CLEC2B: variants seen among roughly 807,000 people sequenced by gnomAD.
The protein encoded by CLEC2B is C-type (calcium dependent, carbohydrate-recognition domain) lectin, superfamily member 2 (activation-induced).
In CLEC2B, 14 loss-of-function variants were observed where a neutral mutation model predicts 16.2. The observed-to-expected ratio is 0.86, with a 90% CI of 0.57 to 1.35. CLEC2B has a LOEUF of 1.35. Among genes scored for constraint, CLEC2B ranks in the 40% most tolerant of loss-of-function variants. The pLI is 0.00. For missense variants in CLEC2B, 166 were observed against 182.3 expected (o/e 0.91, Z 0.52); for synonymous variants, 42 against 55.8 (o/e 0.75, Z 1.10).
chr12:9,857,724 G>A (rs1867905431), intron 2 of CLEC2B, 87 bp from the exon 3 acceptor site: 1 of 1,044,768 alleles, frequency 9.6e-7, no homozygotes. Context: ...GGTTTTTGAT[G>A]TAAAAGATTA....
chr12:9,857,666 G>A (rs763139604), intron 2 of CLEC2B, 29 bp from the exon 3 acceptor site: 3 of 1,524,772 alleles, frequency 2.0e-6, no homozygotes, highest in Admixed American at 3.4e-5. Context: ...TATATCTTAA[G>A]TACCATATAG....
chr12:9,854,367 A>G lies in CLEC2B; in HGVS notation c.341+14T>C, dbSNP rs1867876983. ...TATCTAAATTTAAGTGATCCCAGAA[A>G]AAAATAAACTCACGATTTGGTAAAT... On this transcript the variant is annotated intron_variant, in intron 4 of 4. Coordinates refer to ENST00000228438, the MANE Select transcript of CLEC2B (RefSeq NM_005127.3). 20 of 1,583,052 alleles carry G rather than the reference A, an allele frequency of 1.3e-5. No homozygotes were observed. Among genetic ancestry groups the G allele is most frequent in the Non-Finnish European group, 1.7e-5 (20 of 1,154,348 alleles).
rs1867997106 is a variant in CLEC2B at position 9,869,352 on chromosome 12, A to C, written c.-150T>G. On this transcript the variant is annotated 5_prime_UTR_variant, in exon 1 of 5. Transcript: ENST00000228438. Reference sequence around the variant, plus strand: ...CAGCACAGCTCCAAACTAGAGGTATACCACTTTTGAAGAGTAACTCAAAGT... The same window carrying C: ...CAGCACAGCTCCAAACTAGAGGTATCCCACTTTTGAAGAGTAACTCAAAGT... The C allele has an allele frequency of 6.6e-6, 1 of 152,204 alleles. No homozygotes were observed. Among genetic ancestry groups the C allele is most frequent in the South Asian group, 2.1e-4 (1 of 4,832 alleles). The allele number at this position is 152,204 out of a possible 1,614,324, so 9.4% of individuals were successfully genotyped here.
intron 2 of CLEC2B, among the ~76,000 whole-genome samples, chr12:9,858,015 A>T (rs1053731315): frequency 2.0e-5 from 3 of 151,968 alleles, no homozygotes; most frequent in Non-Finnish European, 2.9e-5. Context: ...TAAACACATG[A>T]TTTAATCTAC....
intron 2 of CLEC2B, among the ~76,000 whole-genome samples, chr12:9,858,453 A>C (rs1194396872): frequency 1.3e-5 from 2 of 151,960 alleles, no homozygotes; most frequent in South Asian, 4.1e-4. Context: ...ACACACCCAG[A>C]CTGAATCAGT....
intron 2 of CLEC2B, among the ~76,000 whole-genome samples, chr12:9,861,143 C>T (rs1305532251): frequency 6.6e-6 from 1 of 151,956 alleles, no homozygotes. Flanking sequence ...GGGTAAACTT[C>T]AGCTTCATAG....
At chr12:9,858,975 G>A (rs1867914383) in intron 2 of CLEC2B, among the ~76,000 whole-genome samples, 1 of 151,986 alleles carries the variant, frequency 6.6e-6, no homozygotes, top group South Asian at 2.1e-4. Context: ...GACCTAACAT[G>A]ACAAGACATA....
chr12:9,854,529 A>G (rs778200769), intron 3 of CLEC2B, 45 bp from the exon 4 acceptor site: 1 of 1,247,090 alleles, frequency 8.0e-7, no homozygotes, highest in Non-Finnish European at 1.2e-6. Context: ...GCCAATTTTT[A>G]TGACAACCTA....
At chr12:9,858,033 CA>C (rs1867907488) in intron 2 of CLEC2B, among the ~76,000 whole-genome samples, 1 of 151,880 alleles carries the variant, frequency 6.6e-6, no homozygotes, top group Non-Finnish European at 1.5e-5. Context: ...TACAAAGAAG[CA>C]ACAAAAATAA....
At chr12:9,865,753 G>T (rs1206644271) in intron 1 of CLEC2B, among the ~76,000 whole-genome samples, 1 of 151,940 alleles carries the variant, frequency 6.6e-6, no homozygotes. Context: ...CCACATTGTA[G>T]GCCAAAAAAC....
intron 3 of CLEC2B, among the ~76,000 whole-genome samples, chr12:9,855,694 T>C (rs753230003): frequency 2.0e-5 from 3 of 151,942 alleles, no homozygotes; most frequent in Non-Finnish European, 4.4e-5. Context: ...AACTGGGAGA[T>C]GTGTTTCCTA....
At position 9,852,664 on chromosome 12, in the gene CLEC2B, G is replaced by A. The variant is rs1252928388; in HGVS notation, c.*636C>T. On this transcript the variant is annotated 3_prime_UTR_variant, in exon 5 of 5. Coordinates refer to ENST00000228438, the MANE Select transcript of CLEC2B (RefSeq NM_005127.3). ...CCCATTTGTTTGATCAACTTGTACA[G>A]ATCAAAGAAAGTTTAATTTTCTTTT... 1.3e-5 allele frequency among the ~76,000 whole-genome samples: 2 copies of A among 152,142 alleles called. No individual in the cohort carries two copies. The highest frequency in any genetic ancestry group is 2.9e-5 in the Non-Finnish European group (2 of 68,022).
intron 3 of CLEC2B, among the ~76,000 whole-genome samples, chr12:9,856,139 C>T (rs962738205): frequency 6.6e-6 from 1 of 152,122 alleles, no homozygotes; most frequent in African/African-American, 2.4e-5. Context: ...TCTTCACATT[C>T]CATGATCCTC....
chr12:9,856,511 C>G (rs1867895102), intron 3 of CLEC2B, among the ~76,000 whole-genome samples: 1 of 152,020 alleles, frequency 6.6e-6, no homozygotes, highest in African/African-American at 2.4e-5. Context: ...TTTCCTTTCA[C>G]TGACCTATAA....
At position 9,852,746 on chromosome 12, in the gene CLEC2B, T is replaced by G. The variant is rs1363310741; in HGVS notation, c.*554A>C. Among the ~76,000 whole-genome samples the G allele has an allele frequency of 1.3e-5, 2 of 152,114 alleles. No homozygotes were observed. Among genetic ancestry groups the G allele is most frequent in the Non-Finnish European group, 2.9e-5 (2 of 68,014 alleles). ...TGTGATCTCCTCCTCACCTTCACTC[T>G]TAAAGCCCCACCCCCCTTTGTTTTG... On this transcript the variant is annotated 3_prime_UTR_variant, in exon 5 of 5. Transcript: ENST00000228438.
intron 2 of CLEC2B, among the ~76,000 whole-genome samples, chr12:9,860,684 A>G (rs1867926736): frequency 6.6e-6 from 1 of 151,916 alleles, no homozygotes; most frequent in Non-Finnish European, 1.5e-5. Context: ...AACTTTTAAA[A>G]CATTTAAACA....
chr12:9,857,485 T>G lies in CLEC2B; in HGVS notation c.226A>C (p.Ile76Leu). The change falls in exon 3 of 5, where the codon ATA becomes CTA. Residue 76 changes from isoleucine to leucine, a missense_variant. Coordinates refer to ENST00000228438, the MANE Select transcript of CLEC2B (RefSeq NM_005127.3). ...ATTAAATTACTTACCATTTCTTCTA[T>G]GTTGTCAATTATAGTTAGGTCGGCA... ...QHADLTIIDN[I>L]EEMNFLRRYK... The G allele has an allele frequency of 6.2e-7, 1 of 1,606,690 alleles. No homozygotes were observed. The highest frequency in any genetic ancestry group is 8.5e-7 in the Non-Finnish European group (1 of 1,174,440).
At chr12:9,865,714 T>C (rs1193126695) in intron 1 of CLEC2B, among the ~76,000 whole-genome samples, 1 of 152,160 alleles carries the variant, frequency 6.6e-6, no homozygotes, top group East Asian at 1.9e-4. Context: ...ATTATTTTTA[T>C]CAGTACATGG....
intron 1 of CLEC2B, among the ~76,000 whole-genome samples, chr12:9,863,519 G>A (rs1391071601): frequency 6.6e-6 from 1 of 152,040 alleles, no homozygotes; most frequent in African/African-American, 2.4e-5. Flanking sequence ...ATTCAAAATA[G>A]TAGTTTTAAG....
Sources: gnomAD v4.1 joint callset for allele counts (sites outside exome capture counted in the v4.1 genomes callset) on GRCh38, gnomAD v4.1.1 for gene constraint, MANE v1.5 for transcripts, NCBI Gene and HGNC (gene_info 2026-07-23, HGNC 2026-07-21) for gene names.